The following EYA1 variants were observed in gnomAD, a reference collection of about 807,000 sequenced individuals.
EYA1 encodes the protein protein phosphatase EYA1.
Under a neutral mutation model 82.0 loss-of-function variants are expected in EYA1, and 16 were observed. The ratio of observed to expected loss-of-function variants is 0.20; its 90% CI spans 0.13 to 0.30. The LOEUF is 0.30. EYA1 is among the 10% of genes least tolerant of loss of function. EYA1 has a pLI of 1.00. For synonymous variants in EYA1, 261 were observed against 264.4 expected (o/e 0.99, Z 0.12); for missense variants, 633 against 730.7 (o/e 0.87, Z 1.54).
intron 2 of EYA1, chr8:71,530,934 C>A (rs1465144316): frequency 6.6e-6 from 1 of 152,166 alleles, no homozygotes; most frequent in Non-Finnish European, 1.5e-5. Flanking sequence ...ATATCATCAT[C>A]TAAATTTTTT....
At position 71,398,934 on chromosome 8, in the gene EYA1, G is replaced by A. The variant is rs533426495; in HGVS notation, c.34-42423C>T. Among the ~76,000 whole-genome samples the A allele has an allele frequency of 3.9e-5, 6 of 152,316 alleles. No individual in the cohort carries two copies. The South Asian group carries it at 1.2e-3, about 32-fold the overall frequency. ...GTAGGCAGGCCTCCTTGAGTATGGT[G>A]GGCTCCACCCAGTTCGAGCTTCCTG... is the stretch of plus-strand genomic sequence containing the variant. On this transcript the variant is annotated intron_variant, in intron 2 of 18. Coordinates refer to the EYA1 transcript ENST00000643681.
intron 4 of EYA1, among the ~76,000 whole-genome samples, chr8:71,327,832 T>A (rs1435524552): frequency 6.6e-6 from 1 of 150,796 alleles, no homozygotes; most frequent in African/African-American, 2.4e-5. Flanking sequence ...TAATAATAGT[T>A]AGGGCGGGAA....
At chr8:71,375,139 G>A (rs776338229) in intron 2 of EYA1, among the ~76,000 whole-genome samples, 7 of 152,022 alleles carry the variant, frequency 4.6e-5, no homozygotes, top group Non-Finnish European at 7.4e-5. Context: ...GTACATTTTA[G>A]ATACTCTACT....
chr8:71,407,919 G>A (rs981107076), intron 2 of EYA1, among the ~76,000 whole-genome samples: 4 of 145,702 alleles, frequency 2.7e-5, no homozygotes, highest in African/African-American at 1.0e-4. Context: ...ACACGTAATT[G>A]TCAGATTCAC....
At chr8:71,280,519 G>T (rs963988640) in intron 9 of EYA1, among the ~76,000 whole-genome samples, 11 of 152,172 alleles carry the variant, frequency 7.2e-5, no homozygotes, top group African/African-American at 2.7e-4. Flanking sequence ...GCTGGCCAAG[G>T]TTCAACCTCT....
At chr8:71,459,476 C>T (rs1274311941) in intron 2 of EYA1, among the ~76,000 whole-genome samples, 15 of 152,152 alleles carry the variant, frequency 9.9e-5, no homozygotes. Flanking sequence ...ACATCAACCT[C>T]TGAATGATCC....
chr8:71,333,303 G>A (rs1563484477), intron 4 of EYA1, among the ~76,000 whole-genome samples: 1 of 152,104 alleles, frequency 6.6e-6, no homozygotes, highest in Non-Finnish European at 1.5e-5. Flanking sequence ...GTTGTGGTAT[G>A]TATTAAATAA....
intron 3 of EYA1, among the ~76,000 whole-genome samples, chr8:71,336,726 C>T (rs926798323): frequency 5.9e-5 from 9 of 152,174 alleles, no homozygotes; most frequent in Admixed American, 5.2e-4. Context: ...TTCAAACATA[C>T]CCATCTATAC....
intron 9 of EYA1, among the ~76,000 whole-genome samples, chr8:71,295,930 G>A (rs537698594): frequency 1.3e-5 from 2 of 152,046 alleles, no homozygotes; most frequent in Admixed American, 1.3e-4. Context: ...ATGAGTTTAA[G>A]AGTAGGCATG....
chr8:71,228,337 G>A (rs1455692246), intron 12 of EYA1, among the ~76,000 whole-genome samples: 3 of 152,026 alleles, frequency 2.0e-5, no homozygotes, highest in Non-Finnish European at 4.4e-5. Flanking sequence ...AAGCTCCATT[G>A]CCTTGGTGTG....
chr8:71,433,551 G>A (rs540172803), intron 2 of EYA1, among the ~76,000 whole-genome samples: 1 of 152,324 alleles, frequency 6.6e-6, no homozygotes, highest in African/African-American at 2.4e-5. Flanking sequence ...GGCAAATTAA[G>A]TCTTATCAAG....
At chr8:71,424,481 T>C (rs552960549) in intron 2 of EYA1, among the ~76,000 whole-genome samples, 1 of 152,344 alleles carries the variant, frequency 6.6e-6, no homozygotes, top group South Asian at 2.1e-4. Context: ...TGGTATATGA[T>C]AATTTCTATG....
At chr8:71,516,303 C>A (rs1812972422) in intron 2 of EYA1, among the ~76,000 whole-genome samples, 1 of 152,142 alleles carries the variant, frequency 6.6e-6, no homozygotes, top group Non-Finnish European at 1.5e-5. Context: ...ATTCACAAGT[C>A]ATTGGATGAA....
chr8:71,215,570 G>T, intron 15 of EYA1, 44 bp downstream of exon 15: 1 of 1,607,964 alleles, frequency 6.2e-7, no homozygotes, highest in Non-Finnish European at 8.5e-7. Context: ...GAACAAGCAC[G>T]AGCATTGCCC....
intron 2 of EYA1, among the ~76,000 whole-genome samples, chr8:71,502,916 A>G (rs921313993): frequency 6.6e-6 from 1 of 152,224 alleles, no homozygotes; most frequent in Non-Finnish European, 1.5e-5. Context: ...TTACAGCTGA[A>G]TGGTGAGTTC....
At chr8:71,268,093 GA>G (rs1054931057) in intron 11 of EYA1, among the ~76,000 whole-genome samples, 2 of 152,202 alleles carry the variant, frequency 1.3e-5, no homozygotes, top group African/African-American at 4.8e-5. Flanking sequence ...GCCAAAGATT[GA>G]AAGTTCAGTA....
At chr8:71,330,356 G>A (rs1823689051) in intron 4 of EYA1, among the ~76,000 whole-genome samples, 1 of 152,030 alleles carries the variant, frequency 6.6e-6, no homozygotes, top group African/African-American at 2.4e-5. Flanking sequence ...TGCTATTGCT[G>A]TCCCATCAGG....
intron 2 of EYA1, among the ~76,000 whole-genome samples, chr8:71,416,774 C>A (rs1318177669): frequency 3.9e-5 from 6 of 152,136 alleles, no homozygotes; most frequent in Admixed American, 1.3e-4. Flanking sequence ...TTGTAAAATT[C>A]CTATTTATTC....
chr8:71,216,661 A>T, intron 14 of EYA1, 31 bp downstream of exon 14: 2 of 1,611,296 alleles, frequency 1.2e-6, no homozygotes, highest in Non-Finnish European at 1.7e-6. Flanking sequence ...GACTGTCTTA[A>T]CTTGCTGAGG....
Sources: gnomAD v4.1 joint callset for allele counts (sites outside exome capture counted in the v4.1 genomes callset) on GRCh38, gnomAD v4.1.1 for gene constraint, MANE v1.5 for transcripts, NCBI Gene and HGNC (gene_info 2026-07-23, HGNC 2026-07-21) for gene names.